The following CABIN1 variants were observed in gnomAD, a reference collection of about 807,000 sequenced individuals.
CABIN1 encodes the protein calcineurin-binding protein cabin-1.
A neutral mutation model predicts 227.7 loss-of-function variants in CABIN1; 133 were observed. The ratio of observed to expected loss-of-function variants is 0.58; its 90% confidence interval spans 0.51 to 0.67. The LOEUF (loss-of-function observed/expected upper bound fraction) is 0.67, where lower values mean the gene tolerates loss of function less well. Among genes scored for constraint, CABIN1 ranks in the 30% least tolerant of loss-of-function variants. CABIN1 has a pLI of 0.00. For missense variants in CABIN1, 2,408 were observed against 2,852.5 expected (o/e 0.84, Z 3.55); for synonymous variants, 1,086 against 1,155.1 (o/e 0.94, Z 1.21).
Position 24,176,153 on chromosome 22 carries a change from C to T in CABIN1, c.6083C>T (p.Pro2028Leu), listed in dbSNP as rs371145175. The change falls in exon 35 of 37, where the codon CCG becomes CTG. Residue 2028 changes from proline to leucine, a missense_variant. Coordinates refer to ENST00000263119, the MANE Select transcript of CABIN1 (RefSeq NM_012295.4). ...LARVAEGTSF[P>L]PQEPRHSPQV... ...AGAGTGGCAGAGGGCACCAGCTTCC[C>T]GCCTCAGGAGCCACGGCACAGTCCG... is the stretch of plus-strand genomic sequence containing the variant. 1.2e-4 allele frequency: 190 copies of T among 1,610,800 alleles called. No homozygotes were observed. The highest frequency in any genetic ancestry group is 1.5e-4 in the Non-Finnish European group (179 of 1,179,206).
At chr22:24,073,592 T>A (rs780205523) in intron 18 of CABIN1, among the ~76,000 whole-genome samples, 15 of 152,094 alleles carry the variant, frequency 9.9e-5, no homozygotes, top group Admixed American at 5.2e-4. Context: ...CCTTGACAGG[T>A]TTGTGATAGT....
chr22:24,158,872 CGCTAGGAACATGAGG>C (rs2045988984), intron 29 of CABIN1, among the ~76,000 whole-genome samples: 2 of 152,258 alleles, frequency 1.3e-5, no homozygotes, highest in Admixed American at 1.3e-4. Context: ...CTGGATGTGG[CGCTAGGAACATGAGG>C]GAGGACAAGA....
intron 22 of CABIN1, among the ~76,000 whole-genome samples, chr22:24,086,082 G>C (rs1245403039): frequency 6.6e-6 from 1 of 152,186 alleles, no homozygotes; most frequent in Non-Finnish European, 1.5e-5. Flanking sequence ...TGTGTGAAAG[G>C]TTCTCACAGA....
intron 1 of CABIN1, among the ~76,000 whole-genome samples, chr22:24,031,197 G>T (rs958223611): frequency 1.3e-5 from 2 of 152,182 alleles, no homozygotes; most frequent in African/African-American, 4.8e-5. Flanking sequence ...GAGCTAGCAC[G>T]TGTCCTGCAG....
intron 1 of CABIN1, among the ~76,000 whole-genome samples, chr22:24,030,004 T>C (rs560399592): frequency 6.6e-6 from 1 of 152,294 alleles, no homozygotes; most frequent in East Asian, 1.9e-4. Context: ...AGCTGGTCTT[T>C]GTGAGTTTTT....
chr22:24,035,949 C>T, intron 2 of CABIN1, 140 bp from the exon 3 acceptor site: 2 of 545,354 alleles, frequency 3.7e-6, no homozygotes, highest in Non-Finnish European at 6.9e-6. Flanking sequence ...TTTGTTCATT[C>T]CCCACATCTG....
At position 24,134,421 on chromosome 22, in the gene CABIN1, T is replaced by C; in HGVS notation, c.4746+6T>C. Reference sequence around the variant, plus strand: ...ACAAGACCAATTTCTTCAACGTGAGTACTTTGCCTTGTTGATTTCCAAGGC... The same window carrying C: ...ACAAGACCAATTTCTTCAACGTGAGCACTTTGCCTTGTTGATTTCCAAGGC... On this transcript the variant is annotated splice_donor_region_variant and intron_variant, in intron 29 of 36. Transcript: ENST00000263119. The C allele has an allele frequency of 6.2e-7, 1 of 1,606,032 alleles. No individual in the cohort carries two copies. Among genetic ancestry groups the C allele is most frequent in the Non-Finnish European group, 8.5e-7 (1 of 1,172,732 alleles).
intron 24 of CABIN1, among the ~76,000 whole-genome samples, chr22:24,094,823 C>CAAA (rs201624847): frequency 8.9e-5 from 7 of 78,296 alleles, no homozygotes; most frequent in East Asian, 3.5e-4. Context: ...GACTCCGTCT[C>CAAA]AAAAAAAAAA....
chr22:24,126,058 A>C (rs2043704296), intron 28 of CABIN1, among the ~76,000 whole-genome samples: 1 of 152,218 alleles, frequency 6.6e-6, no homozygotes, highest in Non-Finnish European at 1.5e-5. Flanking sequence ...GGAAAAGAGA[A>C]TGAAACTACC....
chr22:24,072,320 G>A, intron 17 of CABIN1, 34 bp from the exon 18 acceptor site: 1 of 1,613,744 alleles, frequency 6.2e-7, no homozygotes, highest in Non-Finnish European at 8.5e-7. Context: ...ACCCTGCTGT[G>A]ACACTTCTGC....
At position 24,072,358 on chromosome 22, in the gene CABIN1, T is replaced by C. The variant is rs939287133; in HGVS notation, c.2480T>C (p.Ile827Thr). Residue 827 changes from isoleucine (I) to threonine (T), a missense_variant, in exon 18 of 37, where the codon ATT (isoleucine) becomes ACT (threonine). Around this residue, in one of 3 missense-constraint regions of CABIN1, gnomAD observed 1,045 missense variants for 1,168.4 expected, o/e 0.89. Coordinates refer to ENST00000263119, the MANE Select transcript of CABIN1 (RefSeq NM_012295.4). ...TCTCCCACCCCGCACTGTCAGGTCA[T>C]TGACTGCAGCATGGCTGTGCAGGAG... ...VRLTNNLIQV[I>T]DCSMAVQEEA... is the part of the protein sequence containing the mutation. 1 of 1,614,168 alleles carries C rather than the reference T, an allele frequency of 6.2e-7. No individual in the cohort carries two copies. Among genetic ancestry groups the C allele is most frequent in the Non-Finnish European group, 8.5e-7 (1 of 1,180,014 alleles).
At chr22:24,113,477 C>A in intron 26 of CABIN1, 89 bp from the exon 27 acceptor site, 1 of 1,238,892 alleles carries the variant, frequency 8.1e-7, no homozygotes, top group Non-Finnish European at 1.2e-6. Flanking sequence ...CCCAGGCCAC[C>A]GGCAGGGAGA....
At chr22:24,036,262 C>A in intron 3 of CABIN1, 81 bp downstream of exon 3, 1 of 993,058 alleles carries the variant, frequency 1.0e-6, no homozygotes, top group Non-Finnish European at 1.6e-6. Flanking sequence ...ATTTAGGCAT[C>A]TCCTCAGTGG....
intron 19 of CABIN1, among the ~76,000 whole-genome samples, chr22:24,080,059 T>C (rs1277407715): frequency 1.3e-5 from 2 of 152,258 alleles, no homozygotes; most frequent in Non-Finnish European, 2.9e-5. Flanking sequence ...TACATTAGTC[T>C]ACTAGTTTGC....
At chr22:24,021,934 C>T (rs2035754712) in intron 1 of CABIN1, among the ~76,000 whole-genome samples, 2 of 152,198 alleles carry the variant, frequency 1.3e-5, no homozygotes, top group South Asian at 4.1e-4. Context: ...ATCTACCCAC[C>T]TTGGCCTCCC....
intron 11 of CABIN1, 92 bp from the exon 12 acceptor site, chr22:24,059,832 G>C: frequency 9.3e-7 from 1 of 1,080,364 alleles, no homozygotes; most frequent in Non-Finnish European, 1.4e-6. Flanking sequence ...GGTAGAGGGA[G>C]GGAACAGTCT....
chr22:24,056,094 C>A, intron 9 of CABIN1, 98 bp from the exon 10 acceptor site: 2 of 1,026,154 alleles, frequency 1.9e-6, no homozygotes, highest in Non-Finnish European at 3.0e-6. Flanking sequence ...GAGTTTAATG[C>A]TAGTAGATTT....
rs28604334 is a variant in CABIN1, at chr22:24,060,279, C to T, written c.1617+138C>T. ...TGGAACCTGGTTTTTTTGTGGGTGTCGAAGCAGGAAGTCACTGAACCTAGT... is the reference window on the plus strand; with the variant it reads ...TGGAACCTGGTTTTTTTGTGGGTGTTGAAGCAGGAAGTCACTGAACCTAGT... On this transcript the variant is annotated intron_variant, in intron 12 of 36. Transcript: ENST00000263119. 4.9e-5 allele frequency: 40 copies of T among 824,588 alleles called. 1 individual carries two copies. The highest frequency in any genetic ancestry group is 6.8e-5 in the Non-Finnish European group (34 of 500,246). The allele number at this position is 824,588 out of a possible 1,614,324, so 51.1% of individuals were successfully genotyped here.
Position 24,076,234 on chromosome 22 carries a change from G to A in CABIN1, c.2698G>A (p.Gly900Ser). 6.2e-7 allele frequency: 1 copy of A among 1,614,142 alleles called. No individual in the cohort carries two copies. Among genetic ancestry groups the A allele is most frequent in the Non-Finnish European group, 8.5e-7 (1 of 1,180,028 alleles). ...MLLNTAHEYL[G>S]RRSWCCNSDG... ...GCTGAACACAGCCCACGAGTATTTG[G>A]GCAGAAGGTCCTGGTGCTGCAATTC... Residue 900 changes from glycine (G) to serine (S), a missense_variant, in exon 19 of 37, where the codon GGC becomes AGC. This residue lies in a region of CABIN1 where 1,045 missense variants were observed against 1,168.4 expected (regional missense o/e 0.89). Transcript: ENST00000263119.
Sources: gnomAD v4.1 joint callset for allele counts (sites outside exome capture counted in the v4.1 genomes callset) on GRCh38, gnomAD v4.1.1 for gene constraint, gnomAD v4.1.1 regional missense constraint, MANE v1.5 for transcripts, NCBI Gene and HGNC (gene_info 2026-07-23, HGNC 2026-07-21) for gene names.